SSBP3: variants seen among roughly 807,000 people sequenced by gnomAD.
The protein encoded by SSBP3 is single stranded DNA binding protein 3, also known as single-stranded DNA-binding protein 3.
Under a neutral mutation model 69.6 loss-of-function variants are expected in SSBP3, and 5 were observed. That is an observed-to-expected ratio of 0.07 (90% CI 0.04 to 0.15). The LOEUF is 0.15. SSBP3 is among the 10% of genes least tolerant of loss of function. The probability of loss-of-function intolerance (pLI) is 1.00; values close to 1 mark genes in which losing one functional copy is unlikely to be tolerated. For missense variants in SSBP3, 312 were observed against 534.0 expected (o/e 0.58, Z 4.10); for synonymous variants, 196 against 193.4 (o/e 1.01, Z -0.11).
intron 4 of SSBP3, among the ~76,000 whole-genome samples, chr1:54,336,036 C>G (rs937271494): frequency 6.6e-6 from 1 of 152,248 alleles, no homozygotes; most frequent in African/African-American, 2.4e-5. Context: ...CGACCGATTA[C>G]TTAACCTCTC....
At chr1:54,333,438 A>G (rs1176100970) in intron 4 of SSBP3, among the ~76,000 whole-genome samples, 5 of 151,930 alleles carry the variant, frequency 3.3e-5, no homozygotes, top group Non-Finnish European at 7.4e-5. Context: ...CACCACCCCA[A>G]CCCACCTGAC....
upstream of SSBP3, among the ~76,000 whole-genome samples, chr1:54,409,972 C>G (rs1045852278): frequency 2.0e-5 from 3 of 152,218 alleles, no homozygotes; most frequent in African/African-American, 7.2e-5. Context: ...CTTCAGAGAG[C>G]CTTCCCAGAT....
At chr1:54,410,406 AGAAGACCTT>A (rs1310948274), upstream of SSBP3, among the ~76,000 whole-genome samples, 1 of 152,222 alleles carries the variant, frequency 6.6e-6, no homozygotes, top group Non-Finnish European at 1.5e-5. Flanking sequence ...CAAGGATGCC[AGAAGACCTT>A]GTTCCCTTTC....
intron 10 of SSBP3, among the ~76,000 whole-genome samples, chr1:54,242,500 C>T (rs1471820333): frequency 6.6e-6 from 1 of 152,214 alleles, no homozygotes; most frequent in African/African-American, 2.4e-5. Flanking sequence ...TCCACATTCT[C>T]ACAACAGGGT....
intron 15 of SSBP3, 59 bp from the exon 16 acceptor site, chr1:54,228,536 C>T: frequency 1.2e-6 from 2 of 1,610,012 alleles, no homozygotes; most frequent in South Asian, 2.2e-5. Context: ...GAGGGGTCTC[C>T]CCTCGTCCTG....
intron 4 of SSBP3, among the ~76,000 whole-genome samples, chr1:54,393,425 A>G (rs554223120): frequency 7.3e-4 from 111 of 152,208 alleles, no homozygotes; most frequent in African/African-American, 2.6e-3. Context: ...CTGGCCCCTT[A>G]TTATCAATCA....
chr1:54,305,393 T>C (rs904021827), intron 4 of SSBP3, among the ~76,000 whole-genome samples: 1 of 152,096 alleles, frequency 6.6e-6, no homozygotes. Flanking sequence ...TGATGAGACA[T>C]CACAGCTGAG....
chr1:54,339,781 C>T (rs932469030), intron 4 of SSBP3, among the ~76,000 whole-genome samples: 1 of 152,036 alleles, frequency 6.6e-6, no homozygotes, highest in African/African-American at 2.4e-5. Flanking sequence ...GGCATGTTGG[C>T]GGGCGCCTGT....
chr1:54,230,971 G>A (rs1032315990), intron 14 of SSBP3, among the ~76,000 whole-genome samples: 1 of 152,214 alleles, frequency 6.6e-6, no homozygotes, highest in African/African-American at 2.4e-5. Flanking sequence ...TGACACTGAT[G>A]TAATGACACT....
At chr1:54,369,808 C>A (rs1376560799) in intron 4 of SSBP3, among the ~76,000 whole-genome samples, 2 of 133,230 alleles carry the variant, frequency 1.5e-5, no homozygotes, top group Non-Finnish European at 3.4e-5. Flanking sequence ...TGACCCTGTC[C>A]CTTTGGTTGA....
intron 4 of SSBP3, among the ~76,000 whole-genome samples, chr1:54,394,262 G>C (rs544468933): frequency 2.6e-5 from 4 of 152,262 alleles, no homozygotes; most frequent in African/African-American, 9.6e-5. Context: ...TGTTTCTTTA[G>C]CTACTTGAAA....
upstream of SSBP3, among the ~76,000 whole-genome samples, chr1:54,406,616 G>A (rs1390385286): frequency 6.6e-6 from 1 of 151,962 alleles, no homozygotes; most frequent in East Asian, 1.9e-4. Flanking sequence ...CCGGGGGCGC[G>A]AGCCTCTCTT....
At position 54,368,639 on chromosome 1, in the gene SSBP3, T is replaced by G. The variant is rs1445334678; in HGVS notation, c.276+33222A>C. Among the ~76,000 whole-genome samples the G allele has an allele frequency of 2.0e-5, 3 of 152,202 alleles. No homozygotes were observed. In the East Asian group the frequency reaches 5.8e-4, roughly 29 times the overall value. ...TCTACTCCACTTCTGAGATCTGCAA[T>G]GCACCCTAGTACACTAGAAACTCTG... On this transcript the variant is annotated intron_variant, in intron 4 of 17. Coordinates refer to ENST00000610401, the Ensembl canonical transcript of SSBP3.
At chr1:54,277,824 C>T (rs1161957608) in intron 5 of SSBP3, among the ~76,000 whole-genome samples, 1 of 152,108 alleles carries the variant, frequency 6.6e-6, no homozygotes, top group Non-Finnish European at 1.5e-5. Context: ...TCTTACTGGA[C>T]AGTGTCCCCC....
rs749219219 is a variant in SSBP3, at chr1:54,404,818, G to T, written c.129+40C>A. 28 of 1,082,192 alleles carry T rather than the reference G, an allele frequency of 2.6e-5. 1 individual carries two copies. In the African/African-American group the frequency reaches 3.4e-4, roughly 13 times the overall value. 67.0% of individuals were successfully genotyped at this position (1,082,192 alleles called of 1,614,324 possible). ...AGGCTCTAAGAATAGTGGGGGGGGG[G>T]GGTGTCAAGAAATTGGATGCTGGGG... is the stretch of plus-strand genomic sequence containing the variant. On this transcript the variant is annotated intron_variant, in intron 2 of 17. Transcript: ENST00000610401.
At chr1:54,350,630 A>C (rs980303588) in intron 4 of SSBP3, among the ~76,000 whole-genome samples, 2 of 152,188 alleles carry the variant, frequency 1.3e-5, no homozygotes, top group African/African-American at 4.8e-5. Context: ...TTAGCACTCC[A>C]ATCAACTACT....
intron 4 of SSBP3, among the ~76,000 whole-genome samples, chr1:54,338,359 T>C (rs1037393134): frequency 2.0e-5 from 3 of 152,248 alleles, no homozygotes; most frequent in Admixed American, 1.3e-4. Context: ...CTACTTTACT[T>C]TGCAAATACC....
chr1:54,328,284 T>C (rs1030353238), intron 4 of SSBP3, among the ~76,000 whole-genome samples: 2 of 152,078 alleles, frequency 1.3e-5, no homozygotes, highest in African/African-American at 4.8e-5. Context: ...CTGAGCGAGG[T>C]GTTCATGTGC....
chr1:54,244,173 G>A (rs1377487108), intron 9 of SSBP3, among the ~76,000 whole-genome samples: 4 of 151,828 alleles, frequency 2.6e-5, no homozygotes, highest in African/African-American at 7.3e-5. Context: ...GCATGATCTC[G>A]GTTCACTGCA....
Sources: allele counts gnomAD v4.1 joint callset (sites outside exome capture counted in the v4.1 genomes callset), GRCh38; gene constraint gnomAD v4.1.1; transcripts MANE v1.5; gene names NCBI Gene and HGNC (gene_info 2026-07-23, HGNC 2026-07-21).